PTK2: variants seen among roughly 807,000 people sequenced by gnomAD.
The protein encoded by PTK2 is protein tyrosine kinase 2.
In PTK2, 45 loss-of-function variants were observed where a neutral mutation model predicts 150.1. The observed-to-expected ratio is 0.30, with a 90% CI of 0.24 to 0.38. PTK2 has a LOEUF of 0.38. Among genes scored for constraint, PTK2 ranks in the 10% least tolerant of loss-of-function variants. The pLI, the probability that PTK2 is intolerant of heterozygous loss-of-function variation, is 1.00. For synonymous variants in PTK2, 432 were observed against 449.2 expected (o/e 0.96, Z 0.48); for missense variants, 919 against 1,307.3 (o/e 0.70, Z 4.58).
At chr8:140,987,917 T>G (rs2100193934) in intron 1 of PTK2, among the ~76,000 whole-genome samples, 1 of 151,874 alleles carries the variant, frequency 6.6e-6, no homozygotes, top group South Asian at 2.1e-4. Context: ...TGATGGTGAG[T>G]GCCTGTAGTT....
chr8:140,744,605 C>G (rs755355423), intron 19 of PTK2, 47 bp downstream of exon 22: 1 of 1,261,590 alleles, frequency 7.9e-7, no homozygotes, highest in East Asian at 2.3e-5. Context: ...GTTTCTTGAT[C>G]ACTACTTTTC....
rs1285304129 is a variant in PTK2 at position 140,796,644 on chromosome 8, A to G, written c.1094-3260T>C. Among the ~76,000 whole-genome samples, 4 of 152,210 alleles carry G rather than the reference A, an allele frequency of 2.6e-5. No individual in the cohort carries two copies. The East Asian group carries it at 7.7e-4, about 29-fold the overall frequency. ...TAAACAACAGAAGGATTCTGAGAGAATATTTTTATAAACAGAGTAATGGAA... is the reference window on the plus strand; with the variant it reads ...TAAACAACAGAAGGATTCTGAGAGAGTATTTTTATAAACAGAGTAATGGAA... On this transcript the variant is annotated intron_variant, in intron 12 of 31. Coordinates refer to ENST00000522684, the Ensembl canonical transcript of PTK2.
At chr8:140,762,179 C>G (rs550441271) in intron 15 of PTK2, among the ~76,000 whole-genome samples, 189 bp downstream of exon 18, 1 of 152,242 alleles carries the variant, frequency 6.6e-6, no homozygotes, top group South Asian at 2.1e-4. Flanking sequence ...ACAGAACATT[C>G]AACCCAAAAT....
chr8:140,741,257 C>T (rs1417609088), intron 20 of PTK2, among the ~76,000 whole-genome samples: 9 of 151,920 alleles, frequency 5.9e-5, no homozygotes. Context: ...TGAGACCATC[C>T]TGGCTAACAC....
intron 17 of PTK2, 78 bp downstream of exon 20, chr8:140,752,154 T>G: frequency 8.2e-7 from 1 of 1,223,498 alleles, no homozygotes; most frequent in East Asian, 2.3e-5. Flanking sequence ...ACACTATTTT[T>G]CTTATTTCTT....
intron 1 of PTK2, among the ~76,000 whole-genome samples, chr8:140,940,821 A>G: frequency 6.6e-6 from 1 of 152,116 alleles, no homozygotes. Flanking sequence ...TACTAAAAAT[A>G]CAAAAATTAG....
At chr8:140,896,774 TC>T (rs1447070384) in intron 2 of PTK2, among the ~76,000 whole-genome samples, 3 of 65,122 alleles carry the variant, frequency 4.6e-5, no homozygotes, top group African/African-American at 1.2e-4. Context: ...CGCCCCCCCT[TC>T]CCCCCAAAAA....
intron 30 of PTK2, 118 bp from the exon 35 acceptor site, chr8:140,665,115 T>C (rs1227800183): frequency 2.3e-6 from 2 of 885,484 alleles, no homozygotes; most frequent in African/African-American, 3.4e-5. Context: ...TGTATTTCTT[T>C]TTCTCAGTGC....
chr8:140,736,604 T>C (rs912836534), intron 21 of PTK2, among the ~76,000 whole-genome samples: 1 of 151,604 alleles, frequency 6.6e-6, no homozygotes, highest in Non-Finnish European at 1.5e-5. Context: ...TATAATGCAA[T>C]GTAAAGGAAA....
At chr8:140,814,571 GA>G (rs2100103537) in intron 10 of PTK2, among the ~76,000 whole-genome samples, 1 of 152,096 alleles carries the variant, frequency 6.6e-6, no homozygotes, top group African/African-American at 2.4e-5. Context: ...GGATCATCTT[GA>G]CAGATGCAGA....
intron 23 of PTK2, among the ~76,000 whole-genome samples, chr8:140,710,596 G>A (rs1292119609): frequency 6.6e-6 from 1 of 151,286 alleles, no homozygotes; most frequent in African/African-American, 2.4e-5. Flanking sequence ...GCTTGAACCC[G>A]GGAGGTAGAG....
chr8:140,825,719 G>A (rs2100111403), intron 8 of PTK2, among the ~76,000 whole-genome samples: 1 of 152,106 alleles, frequency 6.6e-6, no homozygotes, highest in African/African-American at 2.4e-5. Context: ...CACTGCTCCG[G>A]ATTCCACACT....
intron 1 of PTK2, among the ~76,000 whole-genome samples, chr8:140,964,569 T>TTTTC (rs1484951893): frequency 6.9e-5 from 10 of 145,392 alleles, no homozygotes; most frequent in Non-Finnish European, 1.5e-4. Flanking sequence ...TTTTTTTTTT[T>TTTTC]TTTTTGGTAG....
intron 1 of PTK2, among the ~76,000 whole-genome samples, chr8:140,984,578 G>T (rs1283699056): frequency 6.6e-6 from 1 of 152,102 alleles, no homozygotes; most frequent in South Asian, 2.1e-4. Context: ...TCTATTTTGA[G>T]GTAGTTTCTC....
At chr8:140,859,913 G>A (rs1379771334) in intron 5 of PTK2, among the ~76,000 whole-genome samples, 1 of 152,164 alleles carries the variant, frequency 6.6e-6, no homozygotes, top group Non-Finnish European at 1.5e-5. Context: ...GCATGTAGCA[G>A]GGCAGATTCT....
intron 3 of PTK2, among the ~76,000 whole-genome samples, chr8:140,887,807 T>C (rs1339542174): frequency 1.3e-5 from 2 of 152,342 alleles, no homozygotes; most frequent in African/African-American, 4.8e-5. Context: ...CACATTGATA[T>C]ATTTTATTCT....
At chr8:140,768,316 T>C (rs904328549) in intron 14 of PTK2, among the ~76,000 whole-genome samples, 5 of 152,192 alleles carry the variant, frequency 3.3e-5, no homozygotes, top group Non-Finnish European at 5.9e-5. Context: ...ACCTGTAAAA[T>C]GGGTTAAGTA....
At chr8:140,764,571 T>TA in intron 14 of PTK2, 1 of 449,980 alleles carries the variant, frequency 2.2e-6, no homozygotes, top group Non-Finnish European at 3.9e-6. Context: ...AACAACTATG[T>TA]ATATGCTTCA....
At position 140,973,267 on chromosome 8, in the gene PTK2, GCTGT is replaced by G. The variant is rs1461294675; in HGVS notation, c.-122+27854_-122+27857del. On this transcript the variant is annotated intron_variant, in intron 1 of 31. Coordinates refer to ENST00000522684, the Ensembl canonical transcript of PTK2. ...AGCTCTTGGAAGCTCGTCCGATAAA[GCTGT>G]CTTTGTTTACCTGGGGACCCTGACC... is the stretch of plus-strand genomic sequence containing the variant. 2.0e-5 allele frequency among the ~76,000 whole-genome samples: 3 copies of G among 152,152 alleles called. No homozygotes were observed. In the East Asian group the frequency reaches 5.8e-4, roughly 29 times the overall value.
Sources: gnomAD v4.1 joint callset for allele counts (sites outside exome capture counted in the v4.1 genomes callset) on GRCh38, gnomAD v4.1.1 for gene constraint, MANE v1.5 for transcripts, NCBI Gene and HGNC (gene_info 2026-07-23, HGNC 2026-07-21) for gene names.